Variants in NAALADL2 observed in about 807,000 individuals in gnomAD.
NAALADL2 encodes inactive N-acetylated-alpha-linked acidic dipeptidase-like protein 2.
A neutral mutation model predicts 87.2 loss-of-function variants in NAALADL2; 76 were observed. The observed-to-expected ratio is 0.87, with a 90% CI of 0.72 to 1.05. The LOEUF (loss-of-function observed/expected upper bound fraction) is 1.05, where lower values mean the gene tolerates loss of function less well. Among genes scored for constraint, NAALADL2 ranks in the 50% least tolerant of loss-of-function variants. The pLI, the probability that NAALADL2 is intolerant of heterozygous loss-of-function variation, is 0.00. For missense variants in NAALADL2, 1,089 were observed against 945.8 expected (o/e 1.15, Z -1.99); for synonymous variants, 354 against 331.0 (o/e 1.07, Z -0.75).
chr3:175,095,685 A>G (rs1362620781), intron 1 of NAALADL2, among the ~76,000 whole-genome samples: 1 of 151,944 alleles, frequency 6.6e-6, no homozygotes, highest in African/African-American at 2.4e-5. Context: ...TTTTCATAGG[A>G]ATTTACTTGT....
At chr3:174,974,737 T>C (rs560094311) in intron 1 of NAALADL2, among the ~76,000 whole-genome samples, 114 of 152,250 alleles carry the variant, frequency 7.5e-4, no homozygotes, top group African/African-American at 2.6e-3. Context: ...TATTTAATTT[T>C]ACTCACAGGC....
chr3:175,589,044 A>AT (rs1338643372), intron 10 of NAALADL2, among the ~76,000 whole-genome samples: 4 of 152,196 alleles, frequency 2.6e-5, no homozygotes, highest in Admixed American at 1.3e-4. Flanking sequence ...ATATTTAGAT[A>AT]TTTTTTGACA....
At position 175,618,904 on chromosome 3, in the gene NAALADL2, C is replaced by T. The variant is rs192771889; in HGVS notation, c.1801-8387C>T. ...ACCATGGATGTGCACGAGTTCTCCA[C>T]CCATGAAGTGGGAAGACCGAGTCAG... On this transcript the variant is annotated intron_variant, in intron 10 of 13. Transcript: ENST00000454872. Among the ~76,000 whole-genome samples the T allele has an allele frequency of 5.3e-5, 8 of 152,284 alleles. No homozygotes were observed. In the East Asian group the frequency reaches 1.6e-3, roughly 30 times the overall value.
intron 5 of NAALADL2, among the ~76,000 whole-genome samples, chr3:175,366,292 T>C (rs1201869645): frequency 6.6e-6 from 1 of 151,538 alleles, no homozygotes; most frequent in Non-Finnish European, 1.5e-5. Context: ...AAGTCTTTGC[T>C]ATTGTGAATA....
At chr3:175,747,397 T>C (rs1010543266) in intron 12 of NAALADL2, among the ~76,000 whole-genome samples, 1 of 152,194 alleles carries the variant, frequency 6.6e-6, no homozygotes, top group African/African-American at 2.4e-5. Context: ...TTATTTTTCC[T>C]ACTCTTCCAT....
intron 2 of NAALADL2, among the ~76,000 whole-genome samples, chr3:174,599,071 G>T (rs1718197075): frequency 6.6e-6 from 1 of 152,074 alleles, no homozygotes; most frequent in Non-Finnish European, 1.5e-5. Context: ...TTGCTTAGAT[G>T]CCTTGACAGT....
intron 9 of NAALADL2, among the ~76,000 whole-genome samples, chr3:175,520,112 A>T (rs1034180285): frequency 6.6e-6 from 1 of 152,150 alleles, no homozygotes; most frequent in Non-Finnish European, 1.5e-5. Context: ...TAGAGATTTT[A>T]TTTGGCAACA....
chr3:174,882,679 A>T (rs559704408), intron 1 of NAALADL2, among the ~76,000 whole-genome samples: 1 of 137,928 alleles, frequency 7.3e-6, no homozygotes, highest in African/African-American at 3.2e-5. Context: ...ACATATGTGT[A>T]TATGTGTATC....
At chr3:175,775,131 C>G (rs1018207394) in intron 13 of NAALADL2, 6 of 146,766 alleles carry the variant, frequency 4.1e-5, no homozygotes, top group African/African-American at 1.3e-4. Context: ...ATTACCCCAA[C>G]TGTGGTTGGT....
At chr3:175,395,558 A>C (rs1016838146) in intron 5 of NAALADL2, among the ~76,000 whole-genome samples, 1 of 152,166 alleles carries the variant, frequency 6.6e-6, no homozygotes, top group African/African-American at 2.4e-5. Context: ...CAAGATCCCA[A>C]CAACAGCCCT....
At chr3:175,014,126 G>A (rs1750515943) in intron 1 of NAALADL2, among the ~76,000 whole-genome samples, 1 of 152,072 alleles carries the variant, frequency 6.6e-6, no homozygotes, top group African/African-American at 2.4e-5. Flanking sequence ...GTAATGGCGG[G>A]TGTCCATATT....
At chr3:174,762,073 T>G (rs1326706834) in intron 3 of NAALADL2, among the ~76,000 whole-genome samples, 1 of 152,020 alleles carries the variant, frequency 6.6e-6, no homozygotes, top group Non-Finnish European at 1.5e-5. Flanking sequence ...ATCATGTATT[T>G]TTTAAAGCTA....
chr3:174,692,565 G>A (rs1728675493), intron 2 of NAALADL2, among the ~76,000 whole-genome samples: 1 of 152,034 alleles, frequency 6.6e-6, no homozygotes, highest in African/African-American at 2.4e-5. Flanking sequence ...CTGCTGTTCT[G>A]GAAGCTGTAT....
Position 175,809,244 on chromosome 3 carries a change from G to T in NAALADL2, c.*6041G>T, listed in dbSNP as rs1318118194. ...TCCGCAGGAAGCAAAATGCCAGATG[G>T]TTAAGTGTAGCTCACATAATTATAT... On this transcript the variant is annotated 3_prime_UTR_variant, in exon 14 of 14. Transcript: ENST00000454872. 1 of 151,810 alleles carries T rather than the reference G, an allele frequency of 6.6e-6. No homozygotes were observed. Among genetic ancestry groups the T allele is most frequent in the Non-Finnish European group, 1.5e-5 (1 of 67,942 alleles). The allele number at this position is 151,810 out of a possible 1,614,324, so 9.4% of individuals were successfully genotyped here. A position where few individuals can be genotyped will look rare whatever the true frequency, so the allele number is the denominator to read the frequency against.
In NAALADL2 at chr3:174,952,116, A is replaced by T. The variant is rs1050559009; in HGVS notation, c.43+92666A>T. Among the ~76,000 whole-genome samples the T allele has an allele frequency of 2.0e-5, 3 of 152,144 alleles. No homozygotes were observed. The East Asian group carries it at 5.8e-4, about 29-fold the overall frequency. On this transcript the variant is annotated intron_variant, in intron 1 of 13. Transcript: ENST00000454872. ...TTGCTACATACTACATCTTTGGTAC[A>T]ACTAAATCTCCAGACCCGTCAGATC...
At chr3:175,191,165 A>T (rs1487132152) in intron 2 of NAALADL2, among the ~76,000 whole-genome samples, 1 of 152,138 alleles carries the variant, frequency 6.6e-6, no homozygotes, top group Non-Finnish European at 1.5e-5. Context: ...ATGTGAGATG[A>T]TGAATATGTT....
chr3:175,324,728 G>A (rs1760469136), intron 5 of NAALADL2, among the ~76,000 whole-genome samples: 1 of 152,130 alleles, frequency 6.6e-6, no homozygotes, highest in Non-Finnish European at 1.5e-5. Flanking sequence ...AGGGTTTAGA[G>A]GTACATATGA....
At chr3:175,487,508 T>A (rs1165652039) in intron 9 of NAALADL2, 1 of 456,508 alleles carries the variant, frequency 2.2e-6, no homozygotes, top group African/African-American at 2.0e-5. Flanking sequence ...AAGAGCAGAT[T>A]TCTGTGTTTC....
intron 1 of NAALADL2, among the ~76,000 whole-genome samples, chr3:174,519,769 A>C (rs1002144449): frequency 6.6e-6 from 1 of 152,162 alleles, no homozygotes; most frequent in African/African-American, 2.4e-5. Flanking sequence ...GATCAGAAAA[A>C]ACATTCAATA....
Sources: allele counts gnomAD v4.1 joint callset (sites outside exome capture counted in the v4.1 genomes callset), GRCh38; gene constraint gnomAD v4.1.1; transcripts MANE v1.5; gene names NCBI Gene and HGNC (gene_info 2026-07-23, HGNC 2026-07-21).